GOLPH3L: variants seen among roughly 807,000 people sequenced by gnomAD.
The protein encoded by GOLPH3L is golgi phosphoprotein 3 like, also known as Golgi phosphoprotein 3-like.
Under a neutral mutation model 30.3 loss-of-function variants are expected in GOLPH3L, and 22 were observed. That is an observed-to-expected ratio of 0.73 (90% CI 0.52 to 1.04). The LOEUF (loss-of-function observed/expected upper bound fraction) is 1.04, where lower values mean the gene tolerates loss of function less well. Among genes scored for constraint, GOLPH3L ranks in the 50% least tolerant of loss-of-function variants. The pLI is 0.00. For missense variants in GOLPH3L, 303 were observed against 345.8 expected (o/e 0.88, Z 0.98); for synonymous variants, 120 against 128.2 (o/e 0.94, Z 0.43).
At chr1:150,694,225 C>T (rs764940502) in intron 2 of GOLPH3L, 18 of 400,724 alleles carry the variant, frequency 4.5e-5, no homozygotes, top group Non-Finnish European at 7.7e-5. Context: ...TATAAGAAAC[C>T]TACCAATTGT....
intron 3 of GOLPH3L, 22 bp from the exon 4 acceptor site, chr1:150,661,950 G>A (rs369921874): frequency 1.1e-5 from 11 of 1,009,944 alleles, no homozygotes; most frequent in Non-Finnish European, 1.8e-5. Context: ...GGAGAAAGAA[G>A]GAACCCTGAT....
chr1:150,696,926 A>T (rs587685536), intron 1 of GOLPH3L, 66 bp downstream of exon 1: 85 of 152,266 alleles, frequency 5.6e-4, no homozygotes, highest in African/African-American at 1.8e-3. Flanking sequence ...TAATAATTTT[A>T]AAAAATAGAG....
intron 4 of GOLPH3L, among the ~76,000 whole-genome samples, chr1:150,657,633 A>G (rs1268308956): frequency 6.6e-6 from 1 of 152,232 alleles, no homozygotes; most frequent in Non-Finnish European, 1.5e-5. Context: ...GTTTGTGGTG[A>G]TGAGCATTCC....
chr1:150,667,628 C>CT (rs1303021792), intron 2 of GOLPH3L, among the ~76,000 whole-genome samples: 2 of 143,162 alleles, frequency 1.4e-5, no homozygotes, highest in Admixed American at 1.5e-4. Flanking sequence ...GAGTCTCTCT[C>CT]TGTCACCCAG....
Position 150,648,081 on chromosome 1 carries a change from G to A in GOLPH3L, c.*240C>T. On this transcript the variant is annotated 3_prime_UTR_variant, in exon 5 of 5. Transcript: ENST00000271732. Reference sequence around the variant, plus strand: ...CACCAAATGGGAGAAAATGTTCATTGGGTGTGTGTGGCTTCACCCAGTTTA... The same window carrying A: ...CACCAAATGGGAGAAAATGTTCATTAGGTGTGTGTGGCTTCACCCAGTTTA... 1 of 411,526 alleles carries A rather than the reference G, an allele frequency of 2.4e-6. No individual in the cohort carries two copies. The allele number at this position is 411,526 out of a possible 1,614,324, so 25.5% of individuals were successfully genotyped here.
chr1:150,658,048 C>T (rs748432125), intron 4 of GOLPH3L, among the ~76,000 whole-genome samples: 22 of 152,234 alleles, frequency 1.4e-4, no homozygotes, highest in African/African-American at 4.8e-4. Context: ...TCTCCAGGAC[C>T]GAATCAACAG....
intron 4 of GOLPH3L, among the ~76,000 whole-genome samples, chr1:150,660,257 A>C (rs1168857303): frequency 6.6e-6 from 1 of 152,158 alleles, no homozygotes; most frequent in East Asian, 1.9e-4. Context: ...GATGTCTATA[A>C]TTAAAAAAAA....
At chr1:150,663,889 AGAGT>A in intron 2 of GOLPH3L, 126 bp from the exon 3 acceptor site, 1 of 646,830 alleles carries the variant, frequency 1.5e-6, no homozygotes. Flanking sequence ...CTCAAAGTAT[AGAGT>A]AAGAGGATGT....
At chr1:150,666,500 A>C (rs1650511622) in intron 2 of GOLPH3L, among the ~76,000 whole-genome samples, 1 of 152,012 alleles carries the variant, frequency 6.6e-6, no homozygotes, top group Non-Finnish European at 1.5e-5. Context: ...GCACCTCACC[A>C]CGCCTGGCTA....
intron 2 of GOLPH3L, among the ~76,000 whole-genome samples, chr1:150,667,711 A>G (rs1650541015): frequency 6.7e-6 from 1 of 150,006 alleles, no homozygotes; most frequent in Admixed American, 6.7e-5. Flanking sequence ...CTCCTGCCTC[A>G]GCCTCCGAGT....
rs1649986263 is a variant in GOLPH3L at position 150,646,794 on chromosome 1, A to T, written c.*1527T>A. 1 of 152,242 alleles carries T rather than the reference A, an allele frequency of 6.6e-6. No individual in the cohort carries two copies. The highest frequency in any genetic ancestry group is 2.1e-4 in the South Asian group (1 of 4,826). The allele number at this position is 152,242 out of a possible 1,614,324, so 9.4% of individuals were successfully genotyped here. A position where few individuals can be genotyped will look rare whatever the true frequency, so the allele number is the denominator to read the frequency against. On this transcript the variant is annotated 3_prime_UTR_variant, in exon 5 of 5. Transcript: ENST00000271732. ...TGTTCTATAATGGTCAAGAAGCACTATCCCATTAAAGTATAATAAATGCTG... is the reference window on the plus strand; with the variant it reads ...TGTTCTATAATGGTCAAGAAGCACTTTCCCATTAAAGTATAATAAATGCTG...
chr1:150,682,225 TAG>T (rs1170118486), intron 2 of GOLPH3L, among the ~76,000 whole-genome samples: 1 of 152,114 alleles, frequency 6.6e-6, no homozygotes, highest in Non-Finnish European at 1.5e-5. Context: ...ATAATTTACA[TAG>T]AGTGAAATGC....
chr1:150,664,038 C>T (rs1650436721), intron 2 of GOLPH3L, among the ~76,000 whole-genome samples: 1 of 151,630 alleles, frequency 6.6e-6, no homozygotes, highest in South Asian at 2.1e-4. Flanking sequence ...TCGCTTTTTC[C>T]CCCAGGCTGA....
chr1:150,687,142 C>G (rs1445416201), intron 2 of GOLPH3L, among the ~76,000 whole-genome samples: 1 of 151,702 alleles, frequency 6.6e-6, no homozygotes, highest in Non-Finnish European at 1.5e-5. Context: ...AAGACAAGGT[C>G]TTGTTCTTTG....
chr1:150,661,851 G>T lies in GOLPH3L; in HGVS notation c.393C>A (p.Pro131=). ...CTATCCATGTTTGGACAGTTTCTGTGGGTTCAGTTGCTTTGATGTGTTTCA... is the reference window on the plus strand; with the variant it reads ...CTATCCATGTTTGGACAGTTTCTGTTGGTTCAGTTGCTTTGATGTGTTTCA... ...ETLKHIKATE[P]TETVQTWIEL... Residue 131 remains proline (P), a synonymous_variant, in exon 4 of 5, where the codon CCC becomes CCA. Coordinates refer to ENST00000271732, the MANE Select transcript of GOLPH3L (RefSeq NM_018178.6). 2 of 1,584,850 alleles carry T rather than the reference G, an allele frequency of 1.3e-6. No individual in the cohort carries two copies. Among genetic ancestry groups the T allele is most frequent in the Non-Finnish European group, 1.7e-6 (2 of 1,153,304 alleles).
At position 150,661,850 on chromosome 1, in the gene GOLPH3L, TG is replaced by T; in HGVS notation, c.393del (p.Thr132GlnfsTer8). 1 of 1,584,216 alleles carries T rather than the reference TG, an allele frequency of 6.3e-7. No homozygotes were observed. Among genetic ancestry groups the T allele is most frequent in the Non-Finnish European group, 8.7e-7 (1 of 1,152,624 alleles). ...ETLKHIKATE[P>X]TETVQTWIEL... is the part of the protein sequence containing the mutation. ...TCTATCCATGTTTGGACAGTTTCTG[TG>T]GGTTCAGTTGCTTTGATGTGTTTCA... On this transcript the variant is annotated frameshift_variant, in exon 4 of 5. Transcript: ENST00000271732. LOFTEE classifies it high-confidence loss of function.
intron 2 of GOLPH3L, among the ~76,000 whole-genome samples, chr1:150,667,734 A>G (rs1346077002): frequency 6.6e-6 from 1 of 151,606 alleles, no homozygotes; most frequent in Non-Finnish European, 1.5e-5. Context: ...CTGGGACTAC[A>G]GGCGCCCGCC....
intron 2 of GOLPH3L, among the ~76,000 whole-genome samples, chr1:150,693,098 T>A (rs1651249628): frequency 6.6e-6 from 1 of 152,214 alleles, no homozygotes; most frequent in Non-Finnish European, 1.5e-5. Flanking sequence ...CAGGAAAATA[T>A]ATTTCCGGGC....
At position 150,647,893 on chromosome 1, in the gene GOLPH3L, G is replaced by A. The variant is rs926909197; in HGVS notation, c.*428C>T. ...TAAGCTACATTATTTAGCAGAGTCT[G>A]AGAGACAAAGGCTGTGAAAACATGT... On this transcript the variant is annotated 3_prime_UTR_variant, in exon 5 of 5. Coordinates refer to ENST00000271732, the MANE Select transcript of GOLPH3L (RefSeq NM_018178.6). 4.4e-5 allele frequency: 7 copies of A among 157,588 alleles called. No homozygotes were observed. The highest frequency in any genetic ancestry group is 1.7e-4 in the African/African-American group (7 of 41,586). The allele number at this position is 157,588 out of a possible 1,614,324, so 9.8% of individuals were successfully genotyped here.
Sources: allele counts gnomAD v4.1 joint callset (sites outside exome capture counted in the v4.1 genomes callset), GRCh38; gene constraint gnomAD v4.1.1; transcripts MANE v1.5; gene names NCBI Gene and HGNC (gene_info 2026-07-23, HGNC 2026-07-21).